The following ADAM22 variants were observed in gnomAD, a reference collection of about 807,000 sequenced individuals.
ADAM22 encodes disintegrin and metalloproteinase domain-containing protein 22.
In ADAM22, 65 loss-of-function variants were observed where a neutral mutation model predicts 144.6. That is an observed-to-expected ratio of 0.45 (90% CI 0.37 to 0.55). The LOEUF is 0.55. ADAM22 is among the 20% of genes least tolerant of loss of function. ADAM22 has a pLI of 0.00. For missense variants in ADAM22, 974 were observed against 1,184.9 expected (o/e 0.82, Z 2.61); for synonymous variants, 391 against 412.6 (o/e 0.95, Z 0.63).
intron 2 of ADAM22, among the ~76,000 whole-genome samples, chr7:87,953,105 A>C (rs974123755): frequency 6.7e-6 from 1 of 149,992 alleles, no homozygotes; most frequent in East Asian, 2.0e-4. Flanking sequence ...GGCTTCATTA[A>C]TTTTTTTGAA....
Position 87,998,794 on chromosome 7 carries a change from A to G in ADAM22, c.323+20382A>G, listed in dbSNP as rs7783967. Among the ~76,000 whole-genome samples the G allele has an allele frequency of 4.4e-3, 677 of 152,282 alleles. 2 individuals are homozygous for G. Among genetic ancestry groups the G allele is most frequent in the African/African-American group, 0.015 (640 of 41,550 alleles). ...GTGTTTGATTGAATAGGGAATAGGAATCTTGGGGGACATCTTGAGAATTCT... is the reference window on the plus strand; with the variant it reads ...GTGTTTGATTGAATAGGGAATAGGAGTCTTGGGGGACATCTTGAGAATTCT... On this transcript the variant is annotated intron_variant, in intron 3 of 31. Transcript: ENST00000413139.
chr7:88,168,093 A>G (rs1843344198), intron 24 of ADAM22, 44 bp from the exon 25 acceptor site: 2 of 1,554,774 alleles, frequency 1.3e-6, no homozygotes, highest in Non-Finnish European at 1.8e-6. Context: ...TTCTGAAAGG[A>G]TTTTATACCA....
intron 4 of ADAM22, among the ~76,000 whole-genome samples, chr7:88,078,377 T>A (rs548034135): frequency 6.6e-6 from 1 of 152,054 alleles, no homozygotes; most frequent in Non-Finnish European, 1.5e-5. Context: ...CAAAGATAGA[T>A]AAAACCACAA....
At chr7:88,083,980 A>C (rs1817715400) in intron 4 of ADAM22, among the ~76,000 whole-genome samples, 1 of 152,068 alleles carries the variant, frequency 6.6e-6, no homozygotes, top group Admixed American at 6.6e-5. Flanking sequence ...ATTTGGCTTC[A>C]CTTCTCTATT....
chr7:88,115,043 A>G (rs1827397600), intron 6 of ADAM22, among the ~76,000 whole-genome samples: 1 of 151,632 alleles, frequency 6.6e-6, no homozygotes, highest in Non-Finnish European at 1.5e-5. Context: ...GTCAGGAGTT[A>G]GAGACCAGCC....
intron 4 of ADAM22, among the ~76,000 whole-genome samples, chr7:88,106,344 C>G (rs760093441): frequency 9.9e-5 from 15 of 152,172 alleles, no homozygotes; most frequent in Non-Finnish European, 1.9e-4. Flanking sequence ...CACCCCCTCC[C>G]CAAAGCTGAG....
intron 31 of ADAM22, among the ~76,000 whole-genome samples, chr7:88,195,393 G>C (rs542814807): frequency 3.3e-5 from 5 of 152,284 alleles, no homozygotes; most frequent in East Asian, 3.9e-4. Flanking sequence ...CCAATATAAA[G>C]AGCTCATGGC....
intron 27 of ADAM22, among the ~76,000 whole-genome samples, chr7:88,179,408 G>A (rs989696542): frequency 6.6e-6 from 1 of 152,040 alleles, no homozygotes; most frequent in African/African-American, 2.4e-5. Flanking sequence ...AAAGGTTACT[G>A]TCATGCTTCA....
intron 3 of ADAM22, among the ~76,000 whole-genome samples, chr7:87,992,658 T>G (rs973207770): frequency 1.3e-5 from 2 of 152,124 alleles, no homozygotes; most frequent in East Asian, 1.9e-4. Flanking sequence ...TACTTATTCA[T>G]AAATTTTTTT....
intron 3 of ADAM22, among the ~76,000 whole-genome samples, chr7:88,034,360 C>G (rs1390108114): frequency 1.3e-5 from 2 of 152,178 alleles, no homozygotes; most frequent in East Asian, 3.9e-4. Flanking sequence ...GAATGAGGGC[C>G]TCACGACTCT....
intron 23 of ADAM22, among the ~76,000 whole-genome samples, chr7:88,164,851 GA>G (rs1469279796): frequency 6.6e-6 from 1 of 152,062 alleles, no homozygotes; most frequent in African/African-American, 2.4e-5. Context: ...TATAGCAACT[GA>G]TGCTTGAAGA....
At chr7:88,126,605 G>C (rs973836199) in intron 8 of ADAM22, among the ~76,000 whole-genome samples, 3 of 151,944 alleles carry the variant, frequency 2.0e-5, no homozygotes, top group African/African-American at 7.2e-5. Flanking sequence ...CACAGGTTAA[G>C]TATCCCTTTT....
At chr7:88,126,156 T>G (rs12538010) in intron 8 of ADAM22, among the ~76,000 whole-genome samples, 10,244 of 152,084 alleles carry the variant, frequency 0.067, 431 homozygotes, top group Admixed American at 0.11. Context: ...TTGGACTAGG[T>G]AATAATAACT....
rs537384886 is a variant in ADAM22 at position 87,949,877 on chromosome 7, A to C, written c.246+14691A>C. 4.7e-5 allele frequency among the ~76,000 whole-genome samples: 7 copies of C among 149,622 alleles called. No individual in the cohort carries two copies. The East Asian group carries it at 1.4e-3, about 29-fold the overall frequency. ...TAAAATATAGATAATAAAATATGTAAGTTTACACGTCTATTATATAAATTA... is the reference window on the plus strand; with the variant it reads ...TAAAATATAGATAATAAAATATGTACGTTTACACGTCTATTATATAAATTA... On this transcript the variant is annotated intron_variant, in intron 2 of 31. Coordinates refer to ENST00000413139, the MANE Select transcript of ADAM22 (RefSeq NM_001324418.2).
intron 24 of ADAM22, 31 bp from the exon 25 acceptor site, chr7:88,168,106 G>C (rs1194979188): frequency 6.3e-7 from 1 of 1,588,932 alleles, no homozygotes; most frequent in East Asian, 2.2e-5. Flanking sequence ...TTATACCACT[G>C]ATCTTCCTTC....
At chr7:87,994,506 T>G (rs1285779254) in intron 3 of ADAM22, among the ~76,000 whole-genome samples, 1 of 152,184 alleles carries the variant, frequency 6.6e-6, no homozygotes, top group Non-Finnish European at 1.5e-5. Flanking sequence ...GCAGATCTGA[T>G]AGCCTTGTTG....
intron 3 of ADAM22, among the ~76,000 whole-genome samples, chr7:88,070,669 T>A (rs577692004): frequency 6.6e-6 from 1 of 152,288 alleles, no homozygotes; most frequent in African/African-American, 2.4e-5. Flanking sequence ...TTTTTCACTG[T>A]CAAGTTGTTA....
intron 4 of ADAM22, among the ~76,000 whole-genome samples, chr7:88,102,786 CTG>C (rs1823286044): frequency 6.6e-6 from 1 of 152,146 alleles, no homozygotes; most frequent in Non-Finnish European, 1.5e-5. Context: ...TGAATATTGC[CTG>C]ACTACACCTC....
chr7:88,189,033 A>G (rs925795684), intron 30 of ADAM22, among the ~76,000 whole-genome samples: 1 of 152,184 alleles, frequency 6.6e-6, no homozygotes, highest in African/African-American at 2.4e-5. Context: ...ACTGGTTCAA[A>G]ATATAGTCCA....
Sources: gnomAD v4.1 joint callset for allele counts (sites outside exome capture counted in the v4.1 genomes callset) on GRCh38, gnomAD v4.1.1 for gene constraint, MANE v1.5 for transcripts, NCBI Gene and HGNC (gene_info 2026-07-23, HGNC 2026-07-21) for gene names.